The following LHFPL3 variants were observed in gnomAD, a reference collection of about 807,000 sequenced individuals.
The protein encoded by LHFPL3 is LHFPL tetraspan subfamily member 3 protein.
LHFPL3 carries 5 observed loss-of-function variants against 19.3 expected under a neutral mutation model. That is an observed-to-expected ratio of 0.26 (90% CI 0.14 to 0.54). The LOEUF (loss-of-function observed/expected upper bound fraction) is 0.54. Ranked by LOEUF, LHFPL3 falls within the 20% of genes least tolerant of loss-of-function variation. The pLI, the probability that LHFPL3 is intolerant of heterozygous loss-of-function variation, is 0.94. For synonymous variants in LHFPL3, 133 were observed against 126.2 expected, an observed-to-expected ratio of 1.05 and a Z score of -0.36; for missense variants, 249 against 307.4, an observed-to-expected ratio of 0.81 and a Z score of 1.42.
chr7:104,769,566 G>A (rs113663282), intron 2 of LHFPL3, among the ~76,000 whole-genome samples: 17,406 of 151,718 alleles, frequency 0.11, 2,725 homozygotes, highest in African/African-American at 0.36. Context: ...CCATCAACCC[G>A]TCATCTACAT....
chr7:104,346,839 G>A (rs777063777), intron 1 of LHFPL3, among the ~76,000 whole-genome samples: 2 of 150,848 alleles, frequency 1.3e-5, no homozygotes, highest in Middle Eastern at 3.4e-3. Context: ...CTAATGTTGA[G>A]GATCTCTTTG....
intron 1 of LHFPL3, among the ~76,000 whole-genome samples, chr7:104,550,389 G>A (rs996655801): frequency 3.3e-5 from 5 of 152,110 alleles, no homozygotes; most frequent in South Asian, 2.1e-4. Flanking sequence ...GCTGTCAGGC[G>A]GTGGGATGAT....
intron 2 of LHFPL3, among the ~76,000 whole-genome samples, chr7:104,901,493 G>A (rs963011142): frequency 2.0e-5 from 3 of 152,154 alleles, no homozygotes; most frequent in Admixed American, 6.5e-5. Context: ...CTGATGAGCA[G>A]CATGCACTCA....
At chr7:104,537,319 C>T (rs946949023) in intron 1 of LHFPL3, among the ~76,000 whole-genome samples, 1 of 152,230 alleles carries the variant, frequency 6.6e-6, no homozygotes, top group African/African-American at 2.4e-5. Context: ...CCCCTTCTGA[C>T]ACTTCCATTT....
Position 104,597,021 on chromosome 7 carries a change from C to G in LHFPL3, c.446-139654C>G, listed in dbSNP as rs74535171. On this transcript the variant is annotated intron_variant, in intron 1 of 2. Coordinates refer to ENST00000424859, the MANE Select transcript of LHFPL3 (RefSeq NM_199000.3). ...GCTCATAAACACTACCTCTTCTGTT[C>G]TTTCCCACTGAAACCAACTGTAATC... Among the ~76,000 whole-genome samples the G allele has an allele frequency of 2.9e-3, 435 of 152,318 alleles. 1 individual carries two copies. The highest frequency in any genetic ancestry group is 0.01 in the Middle Eastern group (3 of 294).
At chr7:104,527,977 T>TG (rs1794221550) in intron 1 of LHFPL3, among the ~76,000 whole-genome samples, 1 of 152,226 alleles carries the variant, frequency 6.6e-6, no homozygotes, top group Admixed American at 6.5e-5. Flanking sequence ...AGTTTATGCC[T>TG]GGTTATCTTT....
intron 2 of LHFPL3, among the ~76,000 whole-genome samples, chr7:104,872,852 T>A (rs1472551048): frequency 6.6e-6 from 1 of 152,208 alleles, no homozygotes; most frequent in East Asian, 1.9e-4. Context: ...GAGTACACTC[T>A]AAAATAACTA....
intron 1 of LHFPL3, among the ~76,000 whole-genome samples, chr7:104,545,580 C>T (rs1042746422): frequency 2.6e-5 from 4 of 152,178 alleles, no homozygotes; most frequent in African/African-American, 9.7e-5. Flanking sequence ...ATGGGCTTTC[C>T]TCCAGGTGAG....
intron 1 of LHFPL3, among the ~76,000 whole-genome samples, chr7:104,363,293 AC>A (rs1226642990): frequency 6.6e-6 from 1 of 152,208 alleles, no homozygotes; most frequent in Non-Finnish European, 1.5e-5. Flanking sequence ...TAATTTTCCC[AC>A]TGTAATAATC....
chr7:104,783,233 T>G (rs1233082529), intron 2 of LHFPL3, among the ~76,000 whole-genome samples: 1 of 152,260 alleles, frequency 6.6e-6, no homozygotes, highest in Non-Finnish European at 1.5e-5. Flanking sequence ...GGAAGCTTTC[T>G]TTAACTTAAC....
chr7:104,521,309 G>A (rs1342833376), intron 1 of LHFPL3, among the ~76,000 whole-genome samples: 2 of 152,178 alleles, frequency 1.3e-5, no homozygotes, highest in African/African-American at 4.8e-5. Flanking sequence ...TGTGGTCTGA[G>A]AGATAGTTTG....
chr7:104,552,048 T>C (rs1467029901), intron 1 of LHFPL3, among the ~76,000 whole-genome samples: 1 of 152,176 alleles, frequency 6.6e-6, no homozygotes, highest in Non-Finnish European at 1.5e-5. Context: ...CTGGGTTCGA[T>C]TTCATACTTA....
chr7:104,785,767 T>C (rs1789900256), intron 2 of LHFPL3: 2 of 152,234 alleles, frequency 1.3e-5, no homozygotes, highest in South Asian at 4.1e-4. Flanking sequence ...TTCTCCACAC[T>C]AGTGTCAGAT....
intron 1 of LHFPL3, among the ~76,000 whole-genome samples, chr7:104,731,967 A>G (rs2116284216): frequency 6.6e-6 from 1 of 152,344 alleles, no homozygotes; most frequent in Middle Eastern, 3.4e-3. Flanking sequence ...CCTTTTCTGC[A>G]TCTATTGAGA....
chr7:104,457,873 G>A (rs1792577790), intron 1 of LHFPL3, among the ~76,000 whole-genome samples: 1 of 144,712 alleles, frequency 6.9e-6, no homozygotes, highest in African/African-American at 2.6e-5. Flanking sequence ...CAGTGATGGT[G>A]AGCATTTTTT....
intron 2 of LHFPL3, among the ~76,000 whole-genome samples, chr7:104,861,394 T>C (rs1256132641): frequency 6.6e-6 from 1 of 152,190 alleles, no homozygotes; most frequent in East Asian, 1.9e-4. Flanking sequence ...TTGTGAGGAT[T>C]GTGCCTGCAT....
At chr7:104,412,020 A>C (rs1457900216) in intron 1 of LHFPL3, among the ~76,000 whole-genome samples, 1 of 152,214 alleles carries the variant, frequency 6.6e-6, no homozygotes, top group Non-Finnish European at 1.5e-5. Flanking sequence ...GAACATGGGC[A>C]TAAAATTAAG....
intron 1 of LHFPL3, among the ~76,000 whole-genome samples, chr7:104,587,168 G>T (rs182078127): frequency 6.6e-6 from 1 of 152,036 alleles, no homozygotes. Context: ...TGTGCACAAC[G>T]TGCAGGTCTG....
At chr7:104,746,867 C>T (rs541527913) in intron 2 of LHFPL3, among the ~76,000 whole-genome samples, 4 of 152,328 alleles carry the variant, frequency 2.6e-5, no homozygotes, top group South Asian at 2.1e-4. Flanking sequence ...GTTTGATTAA[C>T]GGGGTGCATA....
Sources: allele counts gnomAD v4.1 joint callset (sites outside exome capture counted in the v4.1 genomes callset), GRCh38; gene constraint gnomAD v4.1.1; transcripts MANE v1.5; gene names NCBI Gene and HGNC (gene_info 2026-07-23, HGNC 2026-07-21).